PARP16: variants seen among roughly 807,000 people sequenced by gnomAD.
PARP16 encodes the protein poly(ADP-ribose) polymerase family member 16.
In PARP16, 31 loss-of-function variants were observed where a neutral mutation model predicts 35.0. The observed-to-expected ratio is 0.88, with a 90% CI of 0.66 to 1.19. The LOEUF (loss-of-function observed/expected upper bound fraction) is 1.19. Ranked by LOEUF, PARP16 falls within the 50% of genes most tolerant of loss-of-function variation. The probability of loss-of-function intolerance (pLI) is 0.00; values close to 1 mark genes in which losing one functional copy is unlikely to be tolerated. For synonymous variants in PARP16, 162 were observed against 169.5 expected (o/e 0.96, Z 0.34); for missense variants, 424 against 411.2 (o/e 1.03, Z -0.27).
intron 1 of PARP16, among the ~76,000 whole-genome samples, chr15:65,274,218 A>AC (rs1211520355): frequency 6.6e-6 from 1 of 150,890 alleles, no homozygotes; most frequent in Non-Finnish European, 1.5e-5. Flanking sequence ...TGCTGTGATT[A>AC]CAGGCATGAG....
At chr15:65,238,877 C>G (rs962172635) in intron 3 of PARP16, among the ~76,000 whole-genome samples, 4 of 152,164 alleles carry the variant, frequency 2.6e-5, no homozygotes, top group Admixed American at 6.5e-5. Context: ...ACCTGTAATC[C>G]AAGCAACTCA....
chr15:65,251,028 C>T (rs1478095951), intron 2 of PARP16, among the ~76,000 whole-genome samples: 2 of 152,148 alleles, frequency 1.3e-5, no homozygotes, highest in African/African-American at 2.4e-5. Context: ...GGATTACAGG[C>T]GTGCACCACC....
intron 2 of PARP16, 117 bp downstream of exon 2, chr15:65,270,818 C>A: frequency 1.0e-6 from 1 of 984,356 alleles, no homozygotes; most frequent in Non-Finnish European, 1.6e-6. Flanking sequence ...CAGGACTCTG[C>A]ATTCTCAAGC....
intron 3 of PARP16, among the ~76,000 whole-genome samples, chr15:65,244,584 C>T (rs1325245108): frequency 6.6e-6 from 1 of 152,184 alleles, no homozygotes; most frequent in African/African-American, 2.4e-5. Flanking sequence ...CCTCCCACAA[C>T]ACATGGGAAT....
intron 1 of PARP16, among the ~76,000 whole-genome samples, chr15:65,278,689 TATC>T (rs1410183107): frequency 6.6e-6 from 1 of 152,164 alleles, no homozygotes; most frequent in African/African-American, 2.4e-5. Flanking sequence ...AAGTGATTCT[TATC>T]ATCAGGAAAA....
chr15:65,249,568 G>A (rs1341645745), intron 2 of PARP16, among the ~76,000 whole-genome samples: 1 of 152,274 alleles, frequency 6.6e-6, no homozygotes, highest in Non-Finnish European at 1.5e-5. Context: ...ACGAAGGGCT[G>A]CAGCCCCACC....
At position 65,284,433 on chromosome 15, in the gene PARP16, C is replaced by T. The variant is rs538906640; in HGVS notation, c.174+1820G>A. On this transcript the variant is annotated intron_variant, in intron 1 of 5. Coordinates refer to ENST00000649807, the MANE Select transcript of PARP16 (RefSeq NM_001316943.2). ...TCTCGGCTCACTGCTACCTCTGCCT[C>T]CCAGGTCCCAGTTCAAGCAATTCTC... Among the ~76,000 whole-genome samples the T allele has an allele frequency of 3.3e-5, 5 of 149,896 alleles. No individual in the cohort carries two copies. The East Asian group carries it at 9.9e-4, about 30-fold the overall frequency.
chr15:65,240,589 T>C (rs1299728649), intron 3 of PARP16, among the ~76,000 whole-genome samples: 1 of 152,170 alleles, frequency 6.6e-6, no homozygotes, highest in Non-Finnish European at 1.5e-5. Flanking sequence ...TCAGTATTTT[T>C]TTTATTGCTG....
chr15:65,238,033 C>A (rs890048957), intron 3 of PARP16, among the ~76,000 whole-genome samples: 4 of 152,192 alleles, frequency 2.6e-5, no homozygotes, highest in Admixed American at 6.5e-5. Context: ...CGCCTGTAAT[C>A]CCAGCACTTT....
intron 3 of PARP16, among the ~76,000 whole-genome samples, chr15:65,244,645 A>G (rs2089161905): frequency 1.3e-5 from 2 of 152,200 alleles, no homozygotes; most frequent in Non-Finnish European, 2.9e-5. Context: ...CAGCCAAGCC[A>G]TATGGCTTAC....
At chr15:65,234,119 C>T (rs915024257), downstream of PARP16, among the ~76,000 whole-genome samples, 1 of 152,204 alleles carries the variant, frequency 6.6e-6, no homozygotes, top group Non-Finnish European at 1.5e-5. Flanking sequence ...AATGCACATA[C>T]ACACAGATAA....
chr15:65,257,926 G>T (rs2089565234), downstream of PARP16, among the ~76,000 whole-genome samples: 1 of 152,098 alleles, frequency 6.6e-6, no homozygotes, highest in African/African-American at 2.4e-5. Flanking sequence ...ACTCACGTTT[G>T]TTAAGTCATT....
Position 65,240,309 on chromosome 15 carries a change from T to TG in PARP16, c.*98-5487dup, listed in dbSNP as rs34983139. 1.5e-3 allele frequency among the ~76,000 whole-genome samples: 130 copies of TG among 86,574 alleles called. 2 individuals carry two copies. The highest frequency in any genetic ancestry group is 8.4e-3 in the East Asian group (7 of 832). The allele number at this position is 86,574 out of a possible 152,430, so 56.8% of individuals were successfully genotyped here. ...CACGCCTGGCTAGTGTGTGTGTGTG[T>TG]GGTGGGGGGGGCTAGTGTGTGTGTG... On this transcript the variant is annotated intron_variant and NMD_transcript_variant, in intron 3 of 3. Transcript: ENST00000559805.
At chr15:65,273,474 A>G (rs1181314826) in intron 1 of PARP16, among the ~76,000 whole-genome samples, 1 of 151,700 alleles carries the variant, frequency 6.6e-6, no homozygotes, top group African/African-American at 2.4e-5. Flanking sequence ...GAGACCAGCT[A>G]GGGAAACACA....
At chr15:65,250,730 T>C (rs1405414487) in intron 2 of PARP16, among the ~76,000 whole-genome samples, 2 of 152,150 alleles carry the variant, frequency 1.3e-5, no homozygotes, top group Non-Finnish European at 2.9e-5. Context: ...GACCTACCCA[T>C]TGCTGCTTCC....
chr15:65,278,262 C>T (rs1842977073), intron 1 of PARP16, among the ~76,000 whole-genome samples: 1 of 152,260 alleles, frequency 6.6e-6, no homozygotes, highest in Non-Finnish European at 1.5e-5. Context: ...CAACTGCTTC[C>T]TGCCCTAGGG....
downstream of PARP16, among the ~76,000 whole-genome samples, chr15:65,255,069 G>T (rs1189592646): frequency 6.6e-6 from 1 of 152,148 alleles, no homozygotes; most frequent in Non-Finnish European, 1.5e-5. Flanking sequence ...TAGGCAGCTG[G>T]GGGCCCCTAT....
At chr15:65,235,915 T>A (rs1236549176) in intron 3 of PARP16, among the ~76,000 whole-genome samples, 1 of 142,720 alleles carries the variant, frequency 7.0e-6, no homozygotes, top group South Asian at 2.3e-4. Flanking sequence ...CAGGCTGGAG[T>A]GCAGTGGCAC....
chr15:65,240,451 T>C (rs2089040758), intron 3 of PARP16, among the ~76,000 whole-genome samples: 1 of 151,910 alleles, frequency 6.6e-6, no homozygotes, highest in Non-Finnish European at 1.5e-5. Context: ...CTCAAACTCC[T>C]GAACTCAATC....
Sources: gnomAD v4.1 joint callset for allele counts (sites outside exome capture counted in the v4.1 genomes callset) on GRCh38, gnomAD v4.1.1 for gene constraint, MANE v1.5 for transcripts, NCBI Gene and HGNC (gene_info 2026-07-23, HGNC 2026-07-21) for gene names.